ROBO2: variants seen among roughly 807,000 people sequenced by gnomAD.
The protein encoded by ROBO2 is roundabout guidance receptor 2, also known as roundabout homolog 2.
Under a neutral mutation model 160.8 loss-of-function variants are expected in ROBO2, and 53 were observed. The observed-to-expected ratio is 0.33, with a 90% CI of 0.26 to 0.41. ROBO2 has a LOEUF of 0.41. Among genes scored for constraint, ROBO2 ranks in the 10% least tolerant of loss-of-function variants. ROBO2 has a pLI of 1.00. For missense variants in ROBO2, 1,577 were observed against 1,722.4 expected (o/e 0.92, Z 1.49); for synonymous variants, 664 against 611.7 (o/e 1.09, Z -1.26).
chr3:76,964,112 A>G (rs1559771973), intron 2 of ROBO2, among the ~76,000 whole-genome samples: 1 of 152,176 alleles, frequency 6.6e-6, no homozygotes, highest in Non-Finnish European at 1.5e-5. Context: ...GGAACTCGTT[A>G]AACAGTGAAG....
intron 1 of ROBO2, among the ~76,000 whole-genome samples, chr3:75,930,945 G>A (rs1157001796): frequency 6.6e-6 from 1 of 152,240 alleles, no homozygotes; most frequent in East Asian, 1.9e-4. Flanking sequence ...CACTTTGTTA[G>A]CTACATAGAA....
At chr3:77,130,393 T>C (rs1243238229) in intron 2 of ROBO2, among the ~76,000 whole-genome samples, 1 of 152,188 alleles carries the variant, frequency 6.6e-6, no homozygotes, top group African/African-American at 2.4e-5. Context: ...TCTAACTTCA[T>C]TTCCATAATC....
chr3:76,811,794 C>A, intron 2 of ROBO2, among the ~76,000 whole-genome samples: 1 of 47,070 alleles, frequency 2.1e-5, no homozygotes, highest in South Asian at 7.8e-4. Context: ...TCCTTCCTTC[C>A]TTCCTTCCTT....
At chr3:76,205,459 C>G (rs1443895041) in intron 2 of ROBO2, among the ~76,000 whole-genome samples, 1 of 152,100 alleles carries the variant, frequency 6.6e-6, no homozygotes, top group Admixed American at 6.6e-5. Context: ...AAGGGAAGAA[C>G]CTTCTAGACC....
intron 2 of ROBO2, among the ~76,000 whole-genome samples, chr3:76,298,134 C>A (rs1709175527): frequency 6.6e-6 from 1 of 152,056 alleles, no homozygotes. Context: ...CATAGAGGAA[C>A]AAAAAGCTGG....
intron 2 of ROBO2, among the ~76,000 whole-genome samples, chr3:76,555,354 AAG>A (rs1261329673): frequency 2.5e-5 from 1 of 40,376 alleles, no homozygotes. Context: ...GAAGAGTAGG[AAG>A]AGAGAAGAAG....
chr3:77,040,739 C>T (rs769316618), exon 1 of ROBO2: 2 of 1,613,674 alleles, frequency 1.2e-6, no homozygotes, highest in Non-Finnish European at 1.7e-6. Flanking sequence ...CTTTTGCTCT[C>T]TGGGATTGGT....
intron 2 of ROBO2, among the ~76,000 whole-genome samples, chr3:77,472,499 T>G (rs1456023236): frequency 6.6e-6 from 1 of 152,172 alleles, no homozygotes; most frequent in Non-Finnish European, 1.5e-5. Flanking sequence ...CATCCCAATG[T>G]AAAAAAACAT....
chr3:76,521,137 C>T (rs563506151), intron 2 of ROBO2, among the ~76,000 whole-genome samples: 8 of 149,648 alleles, frequency 5.3e-5, no homozygotes, highest in African/African-American at 2.0e-4. Context: ...CAACCTTTGC[C>T]TTTCGGGTTC....
intron 2 of ROBO2, among the ~76,000 whole-genome samples, chr3:76,100,632 A>T (rs2069645319): frequency 6.6e-6 from 1 of 152,230 alleles, no homozygotes. Context: ...AAGGAAAAAG[A>T]TGATCCTGGC....
At chr3:77,027,097 T>C (rs1206816728) in intron 2 of ROBO2, among the ~76,000 whole-genome samples, 1 of 152,186 alleles carries the variant, frequency 6.6e-6, no homozygotes, top group Non-Finnish European at 1.5e-5. Flanking sequence ...TGAGCATCAA[T>C]TCTAATTTAA....
At chr3:77,508,780 TAACTTA>T (rs997854755) in intron 5 of ROBO2, among the ~76,000 whole-genome samples, 4 of 152,138 alleles carry the variant, frequency 2.6e-5, no homozygotes, top group African/African-American at 9.6e-5. Flanking sequence ...ATATGCTTTT[TAACTTA>T]AACTTAATTT....
rs2083639704 is a variant in ROBO2 at position 77,208,003 on chromosome 3, G to T, written c.388+109663G>T. On this transcript the variant is annotated intron_variant, in intron 2 of 25. Coordinates refer to ENST00000461745, the Ensembl canonical transcript of ROBO2. ...ATTGTCCGTGAGTATCCGAGGGCAG[G>T]AATTGGCTCAGATAAAGGATCTATC... is the stretch of plus-strand genomic sequence containing the variant. Among the ~76,000 whole-genome samples, 3 of 152,298 alleles carry T rather than the reference G, an allele frequency of 2.0e-5. No individual in the cohort carries two copies. The South Asian group carries it at 6.2e-4, about 32-fold the overall frequency.
chr3:76,446,817 C>A (rs950446994), intron 2 of ROBO2, among the ~76,000 whole-genome samples: 2 of 152,124 alleles, frequency 1.3e-5, no homozygotes, highest in Non-Finnish European at 2.9e-5. Flanking sequence ...ATAAATGGTG[C>A]TGGGAAAACT....
At chr3:77,290,211 A>T (rs994263287) in intron 2 of ROBO2, among the ~76,000 whole-genome samples, 6 of 149,950 alleles carry the variant, frequency 4.0e-5, no homozygotes, top group Non-Finnish European at 8.9e-5. Context: ...GGGTAATCTG[A>T]GGCTAGATCA....
At chr3:77,122,185 T>A (rs1228270519) in intron 2 of ROBO2, among the ~76,000 whole-genome samples, 1 of 152,212 alleles carries the variant, frequency 6.6e-6, no homozygotes, top group African/African-American at 2.4e-5. Context: ...ACTCTCTTGT[T>A]CTACACAGAT....
chr3:77,326,364 A>T (rs960352723), intron 2 of ROBO2, among the ~76,000 whole-genome samples: 5 of 152,210 alleles, frequency 3.3e-5, no homozygotes, highest in African/African-American at 1.2e-4. Context: ...AAATTTATGA[A>T]TTGTATCTCA....
At chr3:76,119,103 T>C (rs957544120) in intron 2 of ROBO2, among the ~76,000 whole-genome samples, 4 of 152,228 alleles carry the variant, frequency 2.6e-5, no homozygotes, top group Admixed American at 6.5e-5. Context: ...TTTCTCATCA[T>C]GTACACCTGA....
At chr3:76,517,442 T>C (rs1042206499) in intron 2 of ROBO2, among the ~76,000 whole-genome samples, 1 of 152,222 alleles carries the variant, frequency 6.6e-6, no homozygotes, top group East Asian at 1.9e-4. Flanking sequence ...GATATTTTTC[T>C]CTTCATCTTC....
Sources: allele counts gnomAD v4.1 joint callset (sites outside exome capture counted in the v4.1 genomes callset), GRCh38; gene constraint gnomAD v4.1.1; transcripts MANE v1.5; gene names NCBI Gene and HGNC (gene_info 2026-07-23, HGNC 2026-07-21).